Variants in KIF19 observed in about 807,000 individuals in gnomAD.
The protein encoded by KIF19 is kinesin-like protein KIF19.
A neutral mutation model predicts 106.6 loss-of-function variants in KIF19; 98 were observed. That is an observed-to-expected ratio of 0.92 (90% confidence interval 0.78 to 1.09). The LOEUF (loss-of-function observed/expected upper bound fraction) is 1.09. Ranked by LOEUF, KIF19 falls within the 50% of genes least tolerant of loss-of-function variation. KIF19 has a pLI of 0.00. For missense variants in KIF19, 1,373 were observed against 1,414.3 expected (o/e 0.97, Z 0.47); for synonymous variants, 516 against 584.2 (o/e 0.88, Z 1.68).
intron 2 of KIF19, 57 bp downstream of exon 2, chr17:74,328,562 C>T: frequency 6.8e-7 from 1 of 1,467,100 alleles, no homozygotes; most frequent in Non-Finnish European, 9.3e-7. Flanking sequence ...GATGGCTCAG[C>T]TCACCTGGTG....
At chr17:74,326,421 G>T in intron 1 of KIF19, 33 bp downstream of exon 1, 2 of 1,604,404 alleles carry the variant, frequency 1.2e-6, no homozygotes, top group South Asian at 2.2e-5. Flanking sequence ...TCCCCACCCC[G>T]CTCCGTGGTC....
chr17:74,346,356 G>C lies in KIF19; in HGVS notation c.778-22G>C. 1 of 1,563,498 alleles carries C rather than the reference G, an allele frequency of 6.4e-7. No homozygotes were observed. The highest frequency in any genetic ancestry group is 8.7e-7 in the Non-Finnish European group (1 of 1,154,072). On this transcript the variant is annotated intron_variant, in intron 7 of 19. Transcript: ENST00000389916. The surrounding 1 kb of genome is among the most constrained non-coding windows in gnomAD (Gnocchi z 4.6). Reference sequence around the variant, plus strand: ...TCCCCTGCCTCATCAGGCCACACGTGTGCCCTTTGCTCGCCCCCTAGACAC... The same window carrying C: ...TCCCCTGCCTCATCAGGCCACACGTCTGCCCTTTGCTCGCCCCCTAGACAC...
At position 74,351,899 on chromosome 17, in the gene KIF19, C is replaced by T; in HGVS notation, c.1620C>T (p.Arg540=). ...LALEQRCREL[R]ARGRRLEETL... is the part of the protein sequence containing the mutation. ...TGGAGCAGCGCTGCCGGGAGCTGCG[C>T]GCGCGGGGCCGGCGCCTGGAGGAGA... The change falls in exon 13 of 20, where the codon CGC becomes CGT. Residue 540 remains arginine, a synonymous_variant. Coordinates refer to ENST00000389916, the MANE Select transcript of KIF19 (RefSeq NM_153209.4). 4.2e-6 allele frequency: 6 copies of T among 1,413,116 alleles called. No individual in the cohort carries two copies. In the South Asian group the frequency reaches 7.5e-5, roughly 18 times the overall value. 87.5% of individuals were successfully genotyped at this position (1,413,116 alleles called of 1,614,324 possible).
chr17:74,351,827 C>T (rs886999892), intron 12 of KIF19, 40 bp from the exon 13 acceptor site: 1 of 1,371,932 alleles, frequency 7.3e-7, no homozygotes, highest in African/African-American at 1.5e-5. Flanking sequence ...GGATCGGACC[C>T]CTCTCCCCGC....
chr17:74,340,555 G>GCGCGCACACACACACA lies in KIF19; in HGVS notation c.121-1321_121-1320insCGCGCACACACACACA. Among the ~76,000 whole-genome samples the GCGCGCACACACACACA allele has an allele frequency of 4.5e-3, 670 of 148,296 alleles. 2 individuals carry two copies. The highest frequency in any genetic ancestry group is 0.011 in the South Asian group (50 of 4,584). ...CACGTGCCAGCAGGTATGCGCGCGC[G>GCGCGCACACACACACA]TACACACACACACACACACTGCTGC... On this transcript the variant is annotated intron_variant, in intron 2 of 19. Coordinates refer to ENST00000389916, the MANE Select transcript of KIF19 (RefSeq NM_153209.4).
In KIF19 at chr17:74,352,261, A is replaced by T; in HGVS notation, c.1901A>T (p.Glu634Val). 6.2e-7 allele frequency: 1 copy of T among 1,613,026 alleles called. No individual in the cohort carries two copies. Among genetic ancestry groups the T allele is most frequent in the Non-Finnish European group, 8.5e-7 (1 of 1,179,734 alleles). Residue 634 changes from glutamate (E) to valine (V), a missense_variant, in exon 14 of 20, where the codon GAA becomes GTA. By Grantham distance (121) the Glu-to-Val change is moderately radical (BLOSUM62 -2). This residue lies in a region of KIF19 where 1,020 missense variants were observed against 1,008.2 expected (regional missense o/e 1.01). Coordinates refer to ENST00000389916, the MANE Select transcript of KIF19 (RefSeq NM_153209.4). Reference sequence around the variant, plus strand: ...CCGCAGCGCCTGGAAGAGCTCTACGAAGTGTACCTGCGGGAGCTGGAGGAG... The same window carrying T: ...CCGCAGCGCCTGGAAGAGCTCTACGTAGTGTACCTGCGGGAGCTGGAGGAG... The part of the protein sequence containing the change: ...AVPQRLEELY[E>V]VYLRELEEGS...
At chr17:74,328,687 C>T in intron 2 of KIF19, 182 bp downstream of exon 2, 1 of 564,318 alleles carries the variant, frequency 1.8e-6, no homozygotes, top group Middle Eastern at 2.7e-4. Context: ...TCCAGGAAGC[C>T]TTCCTAGATT....
At chr17:74,337,958 G>A (rs1598377793) in intron 2 of KIF19, among the ~76,000 whole-genome samples, 1 of 152,272 alleles carries the variant, frequency 6.6e-6, no homozygotes, top group East Asian at 1.9e-4. Context: ...CCGGACAGAT[G>A]GAACCCAGAC....
intron 10 of KIF19, 34 bp downstream of exon 10, chr17:74,349,383 CT>C (rs1250776921): frequency 1.9e-6 from 3 of 1,547,150 alleles, no homozygotes; most frequent in Non-Finnish European, 2.6e-6. Context: ...TGGCAGCCCC[CT>C]CCGGCCAGCC....
chr17:74,341,404 G>C (rs534967931), intron 2 of KIF19, among the ~76,000 whole-genome samples: 1 of 152,324 alleles, frequency 6.6e-6, no homozygotes, highest in Non-Finnish European at 1.5e-5. Flanking sequence ...GATGCTGCCC[G>C]TTCTTCTGTT....
At chr17:74,347,636 C>G in intron 8 of KIF19, 141 bp from the exon 9 acceptor site, 1 of 925,056 alleles carries the variant, frequency 1.1e-6, no homozygotes, top group Non-Finnish European at 1.6e-6. Context: ...AAGCCTCACA[C>G]CATATGACGC....
chr17:74,331,249 G>A lies in KIF19; in HGVS notation c.120+2744G>A, dbSNP rs2054070724. ...CCAGTCCTCGTCAGCTTCTCTGATGGGGCCAGCTGGCCCGTCAAAGCTCTG... is the reference window on the plus strand; with the variant it reads ...CCAGTCCTCGTCAGCTTCTCTGATGAGGCCAGCTGGCCCGTCAAAGCTCTG... On this transcript the variant is annotated intron_variant, in intron 2 of 19. Transcript: ENST00000389916. The surrounding 1 kb of genome is among the most constrained non-coding windows in gnomAD (Gnocchi z 4.1). Among the ~76,000 whole-genome samples the A allele has an allele frequency of 6.6e-6, 1 of 152,092 alleles. No individual in the cohort carries two copies. Among genetic ancestry groups the A allele is most frequent in the African/African-American group, 2.4e-5 (1 of 41,416 alleles).
intron 12 of KIF19, 47 bp from the exon 13 acceptor site, chr17:74,351,820 T>TCGGAC: frequency 7.3e-7 from 1 of 1,368,584 alleles, no homozygotes; most frequent in Non-Finnish European, 9.4e-7. Flanking sequence ...GGCAGGCGGA[T>TCGGAC]CGGACCCCTC....
intron 1 of KIF19, 78 bp from the exon 2 acceptor site, chr17:74,328,347 A>C: frequency 1.5e-6 from 2 of 1,345,384 alleles, no homozygotes; most frequent in South Asian, 2.5e-5. Context: ...TAGAGAAGCC[A>C]GGGGCTTGCT....
chr17:74,354,645 C>T, intron 18 of KIF19, 86 bp downstream of exon 18: 2 of 1,531,104 alleles, frequency 1.3e-6, no homozygotes, highest in Non-Finnish European at 1.8e-6. Context: ...GGCTCCAGGG[C>T]ACCTCTAGCC....
intron 6 of KIF19, 32 bp from the exon 7 acceptor site, chr17:74,344,729 G>T (rs756278210): frequency 4.4e-6 from 7 of 1,586,260 alleles, no homozygotes; most frequent in Non-Finnish European, 6.0e-6. Context: ...TACGGCAGTC[G>T]CTAAGAGCTG....
At position 74,342,603 on chromosome 17, in the gene KIF19, G is replaced by A. The variant is rs774563945; in HGVS notation, c.232-27G>A. On this transcript the variant is annotated intron_variant, in intron 3 of 19. Transcript: ENST00000389916. ...TGTGCTGTGCCCCGCCTGTGTCCCG[G>A]CCCCTGACAGGCTTCCTTCCTCGCA... is the stretch of plus-strand genomic sequence containing the variant. 2.5e-6 allele frequency: 4 copies of A among 1,589,448 alleles called. No homozygotes were observed. In the Admixed American group the frequency reaches 5.0e-5, roughly 20 times the overall value.
chr17:74,327,558 T>A (rs938800159), intron 1 of KIF19, among the ~76,000 whole-genome samples: 1 of 152,216 alleles, frequency 6.6e-6, no homozygotes, highest in Non-Finnish European at 1.5e-5. Context: ...CTCAGCTCAC[T>A]GCCCCTCAAG....
chr17:74,328,593 G>A, intron 2 of KIF19, 88 bp downstream of exon 2: 1 of 1,081,416 alleles, frequency 9.2e-7, no homozygotes, highest in Admixed American at 2.2e-5. Context: ...GGGCCCCTGT[G>A]GCTTGCAGCA....
Sources: allele counts gnomAD v4.1 joint callset (sites outside exome capture counted in the v4.1 genomes callset), GRCh38; gene constraint gnomAD v4.1.1; regional missense constraint gnomAD v4.1.1; non-coding constraint Gnocchi (gnomAD v3.1); transcripts MANE v1.5; gene names NCBI Gene and HGNC (gene_info 2026-07-23, HGNC 2026-07-21).